The following NFIX variants were observed in gnomAD, a reference collection of about 807,000 sequenced individuals.
NFIX encodes nuclear factor 1 X-type.
A neutral mutation model predicts 53.3 loss-of-function variants in NFIX; 2 were observed. That is an observed-to-expected ratio of 0.04 (90% CI 0.02 to 0.12). The LOEUF is 0.12. Ranked by LOEUF, NFIX falls within the 10% of genes least tolerant of loss-of-function variation. NFIX has a pLI of 1.00. For missense variants in NFIX, 310 were observed against 674.5 expected (o/e 0.46, Z 5.99); for synonymous variants, 244 against 289.0 (o/e 0.84, Z 1.58).
intron 2 of NFIX, among the ~76,000 whole-genome samples, chr19:13,071,768 T>C (rs2016791314): frequency 1.3e-5 from 2 of 152,158 alleles, no homozygotes; most frequent in South Asian, 2.1e-4. Flanking sequence ...GGCCAGTGCT[T>C]TCAGCCCCAG....
Position 13,040,013 on chromosome 19 carries a change from A to C in NFIX, c.559+14461A>C, listed in dbSNP as rs1161600059. ...CATTATGAGGGGAGAATCCTGACAG[A>C]GGAGGGGCAGTGGAAGCTTCCAGAA... On this transcript the variant is annotated intron_variant, in intron 2 of 10. Coordinates refer to ENST00000592199, the MANE Select transcript of NFIX (RefSeq NM_001365902.3). This position sits in a 1 kb window ranked among gnomAD's most constrained non-coding sequence, Gnocchi z 4.2. 6.6e-6 allele frequency among the ~76,000 whole-genome samples: 1 copy of C among 152,120 alleles called. No homozygotes were observed. The highest frequency in any genetic ancestry group is 1.9e-4 in the East Asian group (1 of 5,186).
chr19:13,035,598 G>T (rs2014130224), intron 2 of NFIX, among the ~76,000 whole-genome samples: 1 of 151,692 alleles, frequency 6.6e-6, no homozygotes, highest in Non-Finnish European at 1.5e-5. Flanking sequence ...TAAATGATTT[G>T]ATTTTTTTTT....
intron 2 of NFIX, among the ~76,000 whole-genome samples, chr19:13,041,592 C>T (rs1008329616): frequency 6.6e-6 from 1 of 152,044 alleles, no homozygotes; most frequent in Non-Finnish European, 1.5e-5. Flanking sequence ...ATCAGGAGTT[C>T]AAGACCAGCC....
intron 8 of NFIX, among the ~76,000 whole-genome samples, chr19:13,087,441 G>A (rs1228769980): frequency 6.6e-6 from 1 of 152,154 alleles, no homozygotes; most frequent in Admixed American, 6.5e-5. Context: ...CAGGCTGCTG[G>A]AGCCGAGGAC....
chr19:13,058,683 C>A (rs1388990497), intron 2 of NFIX, among the ~76,000 whole-genome samples: 1 of 151,738 alleles, frequency 6.6e-6, no homozygotes, highest in Non-Finnish European at 1.5e-5. Context: ...CAGAGCAAGA[C>A]CCTGTCTCAA....
Position 13,090,248 on chromosome 19 carries a change from TG to T in NFIX, c.1403-48del. On this transcript the variant is annotated intron_variant, in intron 9 of 10. Transcript: ENST00000592199. The surrounding 1 kb of genome is among the most constrained non-coding windows in gnomAD (Gnocchi z 6.6). ...GCAGCCCCGAGGGGCAGTGCCCAGGTGGGCCCCAAGGCCTGACAGGGTCTCT... is the reference window on the plus strand; with the variant it reads ...GCAGCCCCGAGGGGCAGTGCCCAGGTGGCCCCAAGGCCTGACAGGGTCTCT... 1 of 1,562,306 alleles carries T rather than the reference TG, an allele frequency of 6.4e-7. No homozygotes were observed. The highest frequency in any genetic ancestry group is 8.8e-7 in the Non-Finnish European group (1 of 1,133,094).
At position 13,039,228 on chromosome 19, in the gene NFIX, C is replaced by CCCA. The variant is rs796212249; in HGVS notation, c.559+13677_559+13678insCAC. Among the ~76,000 whole-genome samples, 37 of 144,584 alleles carry CCCA rather than the reference C, an allele frequency of 2.6e-4. 1 individual carries two copies. Among genetic ancestry groups the CCCA allele is most frequent in the African/African-American group, 1.0e-3 (36 of 35,192 alleles). 94.9% of individuals were successfully genotyped at this position (144,584 alleles called of 152,430 possible). ...TTTCTTTTAAATTAAACACCCCCCC[C>CCCA]CACACACACACATACACGTGTGTGT... On this transcript the variant is annotated intron_variant, in intron 2 of 10. Transcript: ENST00000592199.
rs1394307289 is a variant in NFIX, at chr19:13,088,386, G to A, written c.1402+250G>A. On this transcript the variant is annotated intron_variant, in intron 9 of 10. Coordinates refer to ENST00000592199, the MANE Select transcript of NFIX (RefSeq NM_001365902.3). The surrounding 1 kb of genome is among the most constrained non-coding windows in gnomAD (Gnocchi z 5.9). ...GGGCCCCTGGCCCAGGCCCCTCTGG[G>A]GGGCGGGAGGGAGAGCACAGCTGGG... Among the ~76,000 whole-genome samples the A allele has an allele frequency of 1.3e-5, 2 of 152,126 alleles. No homozygotes were observed. Among genetic ancestry groups the A allele is most frequent in the Non-Finnish European group, 2.9e-5 (2 of 68,016 alleles).
chr19:13,024,972 C>T (rs1353269821), intron 1 of NFIX, 49 bp from the exon 2 acceptor site: 1 of 1,553,342 alleles, frequency 6.4e-7, no homozygotes, highest in South Asian at 1.2e-5. Context: ...CCGTCTTCCC[C>T]TCCTCCCGTC....
At chr19:13,016,302 G>A (rs2145167016) in intron 1 of NFIX, among the ~76,000 whole-genome samples, 1 of 152,258 alleles carries the variant, frequency 6.6e-6, no homozygotes, top group Middle Eastern at 3.4e-3. Context: ...AAAATAGCGG[G>A]CTGATATAAA....
At chr19:13,031,813 G>A (rs969678768) in intron 2 of NFIX, among the ~76,000 whole-genome samples, 5 of 152,166 alleles carry the variant, frequency 3.3e-5, no homozygotes, top group Non-Finnish European at 7.3e-5. Context: ...GGAAGAGTGG[G>A]TTAGAAGGGG....
chr19:13,039,468 C>A (rs908256914), intron 2 of NFIX, among the ~76,000 whole-genome samples: 2 of 152,166 alleles, frequency 1.3e-5, no homozygotes. Context: ...GCAGAAATGC[C>A]CCTGGTGAGC....
At chr19:13,064,866 T>C (rs1387650846) in intron 2 of NFIX, among the ~76,000 whole-genome samples, 1 of 152,142 alleles carries the variant, frequency 6.6e-6, no homozygotes, top group Non-Finnish European at 1.5e-5. Context: ...ACAGGCGACA[T>C]TTATGTAGCC....
intron 2 of NFIX, among the ~76,000 whole-genome samples, chr19:13,041,437 T>C (rs2014612314): frequency 6.6e-6 from 1 of 152,230 alleles, no homozygotes; most frequent in South Asian, 2.1e-4. Context: ...TTTCCCTTAC[T>C]TATTCATGCA....
Position 13,078,752 on chromosome 19 carries a change from C to T in NFIX, c.1078+17C>T. On this transcript the variant is annotated intron_variant, in intron 7 of 10. Coordinates refer to ENST00000592199, the MANE Select transcript of NFIX (RefSeq NM_001365902.3). The surrounding 1 kb of genome is among the most constrained non-coding windows in gnomAD (Gnocchi z 4.7). ...TCAGACCAGGTGAGAAATGGGGGGC[C>T]CCGGAGGGGGGCAGTTGGGGAGGTG... 1 of 1,588,258 alleles carries T rather than the reference C, an allele frequency of 6.3e-7. No homozygotes were observed. Among genetic ancestry groups the T allele is most frequent in the Middle Eastern group, 1.8e-4 (1 of 5,692 alleles).
rs2012436980 is a variant in NFIX at position 13,012,827 on chromosome 19, G to A, written c.28-12194G>A. Among the ~76,000 whole-genome samples, 2 of 152,134 alleles carry A rather than the reference G, an allele frequency of 1.3e-5. No homozygotes were observed. The highest frequency in any genetic ancestry group is 2.9e-5 in the Non-Finnish European group (2 of 68,014). ...CTCTCCGCGTCGCATAGTGAGCGTC[G>A]TCATCTCTAGACTACCCCGGTTTCC... On this transcript the variant is annotated intron_variant, in intron 1 of 10. Transcript: ENST00000592199. This position sits in a 1 kb window ranked among gnomAD's most constrained non-coding sequence, Gnocchi z 5.0.
rs71168649 is a variant in NFIX, at chr19:13,049,595, C to CT, written c.560-23436dup. 3.3e-5 allele frequency among the ~76,000 whole-genome samples: 4 copies of CT among 122,782 alleles called. No individual in the cohort carries two copies. Among genetic ancestry groups the CT allele is most frequent in the Non-Finnish European group, 7.1e-5 (4 of 56,588 alleles). The allele number at this position is 122,782 out of a possible 152,430, so 80.5% of individuals were successfully genotyped here. On this transcript the variant is annotated intron_variant, in intron 2 of 10. Coordinates refer to ENST00000592199, the MANE Select transcript of NFIX (RefSeq NM_001365902.3). This position sits in a 1 kb window ranked among gnomAD's most constrained non-coding sequence, Gnocchi z 4.5. Reference sequence around the variant, plus strand: ...TTGTAGCAGCAAGTGTCAGTGGTTCCTTTTTTTTTTTTTTTTGAGACAGAG... The same window carrying CT: ...TTGTAGCAGCAAGTGTCAGTGGTTCCTTTTTTTTTTTTTTTTTGAGACAGAG...
chr19:13,086,064 C>G (rs2017762054), intron 8 of NFIX, among the ~76,000 whole-genome samples: 1 of 152,174 alleles, frequency 6.6e-6, no homozygotes, highest in African/African-American at 2.4e-5. Flanking sequence ...TTGAGCAGGT[C>G]TTGAAGGGTG....
chr19:13,024,183 A>G, intron 1 of NFIX: 7 of 687,228 alleles, frequency 1.0e-5, no homozygotes, highest in East Asian at 2.8e-5. Context: ...AGTGGGAAAA[A>G]GGGTGAAGGG....
Sources: gnomAD v4.1 joint callset for allele counts (sites outside exome capture counted in the v4.1 genomes callset) on GRCh38, gnomAD v4.1.1 for gene constraint, Gnocchi (gnomAD v3.1) non-coding constraint, MANE v1.5 for transcripts, NCBI Gene and HGNC (gene_info 2026-07-23, HGNC 2026-07-21) for gene names.